GPC5: variants seen among roughly 807,000 people sequenced by gnomAD.
GPC5 encodes glypican-5.
In GPC5, 47 loss-of-function variants were observed where a neutral mutation model predicts 53.9. The observed-to-expected ratio is 0.87, with a 90% confidence interval of 0.69 to 1.11. GPC5 has a LOEUF of 1.11. GPC5 is among the 50% of genes most tolerant of loss of function. The pLI, the probability that GPC5 is intolerant of heterozygous loss-of-function variation, is 0.00. For synonymous variants in GPC5, 286 were observed against 263.3 expected (o/e 1.09, Z -0.84); for missense variants, 748 against 713.1 (o/e 1.05, Z -0.56).
At chr13:91,943,936 C>A (rs899948271) in intron 6 of GPC5, among the ~76,000 whole-genome samples, 6 of 151,992 alleles carry the variant, frequency 3.9e-5, no homozygotes, top group Admixed American at 6.6e-5. Flanking sequence ...TGCAGCCTGT[C>A]TTTCATGTTG....
intron 6 of GPC5, among the ~76,000 whole-genome samples, chr13:91,941,598 A>G (rs1400617016): frequency 6.6e-6 from 1 of 152,114 alleles, no homozygotes; most frequent in Non-Finnish European, 1.5e-5. Context: ...CCTCAAAATC[A>G]TGGGTATAAC....
chr13:92,011,742 C>T (rs1230394695), intron 6 of GPC5, among the ~76,000 whole-genome samples: 1 of 152,140 alleles, frequency 6.6e-6, no homozygotes, highest in East Asian at 1.9e-4. Context: ...ATATAAAGTG[C>T]TAGTTTGGTA....
chr13:92,397,300 G>T (rs1875327892), intron 7 of GPC5, among the ~76,000 whole-genome samples: 1 of 152,114 alleles, frequency 6.6e-6, no homozygotes, highest in African/African-American at 2.4e-5. Flanking sequence ...CTGTTCTTGT[G>T]GTAGTGAAGA....
intron 2 of GPC5, among the ~76,000 whole-genome samples, chr13:91,560,586 C>A (rs2031202525): frequency 6.6e-6 from 1 of 152,038 alleles, no homozygotes. Flanking sequence ...ATAGGTAGCC[C>A]ACTGGAGTAT....
intron 7 of GPC5, among the ~76,000 whole-genome samples, chr13:92,430,716 C>T (rs544719964): frequency 2.0e-5 from 3 of 151,940 alleles, no homozygotes; most frequent in Non-Finnish European, 4.4e-5. Flanking sequence ...GCCTGCTGAA[C>T]GTGGCTAGTA....
chr13:92,624,362 G>A (rs35723212), intron 7 of GPC5, among the ~76,000 whole-genome samples: 37 of 152,200 alleles, frequency 2.4e-4, no homozygotes, highest in South Asian at 4.2e-4. Flanking sequence ...GAGCCACTGC[G>A]CCCAGCCTGT....
At chr13:92,795,684 A>G (rs1302797851) in intron 7 of GPC5, among the ~76,000 whole-genome samples, 2 of 152,190 alleles carry the variant, frequency 1.3e-5, no homozygotes, top group African/African-American at 2.4e-5. Context: ...CAGCAGCCCC[A>G]TCACAAAGTG....
intron 7 of GPC5, among the ~76,000 whole-genome samples, chr13:92,307,333 A>T (rs560787700): frequency 6.6e-6 from 1 of 152,316 alleles, no homozygotes; most frequent in African/African-American, 2.4e-5. Flanking sequence ...AGGCGTCTGT[A>T]ATCCCAGCTA....
chr13:92,801,119 TGTGTGTGTGTA>T (rs1462316731), intron 7 of GPC5, among the ~76,000 whole-genome samples: 1 of 151,682 alleles, frequency 6.6e-6, no homozygotes, highest in Non-Finnish European at 1.5e-5. Flanking sequence ...TGTGTGTGTA[TGTGTGTGTGTA>T]GTGTGTGTGT....
intron 7 of GPC5, among the ~76,000 whole-genome samples, chr13:92,652,830 A>G (rs1254040197): frequency 2.0e-5 from 3 of 152,140 alleles, no homozygotes; most frequent in Non-Finnish European, 4.4e-5. Flanking sequence ...TAGATGAACT[A>G]ACTTCCCTAA....
At chr13:92,612,090 A>C (rs1019798805) in intron 7 of GPC5, among the ~76,000 whole-genome samples, 3 of 152,120 alleles carry the variant, frequency 2.0e-5, no homozygotes, top group African/African-American at 7.2e-5. Context: ...AAAGGTATGA[A>C]AAATATTACT....
chr13:92,446,147 A>G (rs143424025), intron 7 of GPC5, among the ~76,000 whole-genome samples: 19 of 152,094 alleles, frequency 1.2e-4, no homozygotes, highest in East Asian at 1.2e-3. Context: ...ATTGCTGACT[A>G]TAGTCACTTT....
intron 7 of GPC5, among the ~76,000 whole-genome samples, chr13:92,573,749 C>T (rs1354326710): frequency 6.6e-6 from 1 of 152,118 alleles, no homozygotes; most frequent in African/African-American, 2.4e-5. Flanking sequence ...CCCTTGGCAA[C>T]CTTGCAATCC....
chr13:92,211,887 G>T (rs113529970), intron 7 of GPC5, among the ~76,000 whole-genome samples: 17 of 152,228 alleles, frequency 1.1e-4, no homozygotes, highest in Non-Finnish European at 2.1e-4. Flanking sequence ...ACTGCTGCTG[G>T]CAGCCTTTCT....
At chr13:91,725,419 G>C (rs2139992104) in intron 3 of GPC5, among the ~76,000 whole-genome samples, 1 of 152,210 alleles carries the variant, frequency 6.6e-6, no homozygotes, top group East Asian at 1.9e-4. Flanking sequence ...CACCCAAATT[G>C]GCTCACCTCT....
intron 2 of GPC5, among the ~76,000 whole-genome samples, chr13:91,633,810 T>C (rs1411149124): frequency 6.6e-6 from 1 of 152,028 alleles, no homozygotes; most frequent in East Asian, 1.9e-4. Flanking sequence ...AGAATTTGAG[T>C]CTCTCCACTC....
At chr13:91,765,310 C>T (rs1425314957) in intron 5 of GPC5, among the ~76,000 whole-genome samples, 1 of 152,230 alleles carries the variant, frequency 6.6e-6, no homozygotes. Context: ...CTGCTTTGTT[C>T]TCTTCAACTT....
chr13:92,372,548 T>C (rs555787741), intron 7 of GPC5, among the ~76,000 whole-genome samples: 1 of 152,192 alleles, frequency 6.6e-6, no homozygotes. Flanking sequence ...AATTATAATA[T>C]AGATCAGATA....
chr13:91,575,623 TTTA>T (rs2032103491), intron 2 of GPC5, among the ~76,000 whole-genome samples: 1 of 152,100 alleles, frequency 6.6e-6, no homozygotes, highest in Non-Finnish European at 1.5e-5. Flanking sequence ...CTGTATGACG[TTTA>T]ATTCAATAGC....
Sources: gnomAD v4.1 joint callset for allele counts (sites outside exome capture counted in the v4.1 genomes callset) on GRCh38, gnomAD v4.1.1 for gene constraint, MANE v1.5 for transcripts, NCBI Gene and HGNC (gene_info 2026-07-23, HGNC 2026-07-21) for gene names.